Variants in TRIM7 observed in about 807,000 individuals in gnomAD.
The protein encoded by TRIM7 is E3 ubiquitin-protein ligase TRIM7.
In TRIM7, 32 loss-of-function variants were observed where a neutral mutation model predicts 37.9. That is an observed-to-expected ratio of 0.84 (90% CI 0.64 to 1.13). The LOEUF is 1.13. TRIM7 is among the 50% of genes most tolerant of loss of function. The pLI is 0.00. For synonymous variants in TRIM7, 351 were observed against 321.3 expected (o/e 1.09, Z -0.99); for missense variants, 732 against 714.0 (o/e 1.03, Z -0.29).
rs757940931 is a variant in TRIM7 at position 181,194,485 on chromosome 5, G to C, written c.*681C>G. 1 of 152,376 alleles carries C rather than the reference G, an allele frequency of 6.6e-6. No individual in the cohort carries two copies. The highest frequency in any genetic ancestry group is 2.4e-5 in the African/African-American group (1 of 41,456). 9.4% of individuals were successfully genotyped at this position (152,376 alleles called of 1,614,324 possible). A position where few individuals can be genotyped will look rare whatever the true frequency, so the allele number is the denominator to read the frequency against. ...AAGTGCGGGAGTCAGGGGTTTGTGA[G>C]AGCACGTGTTGGTTGTCGCATTGGT... On this transcript the variant is annotated 3_prime_UTR_variant, in exon 7 of 7. Transcript: ENST00000274773.
chr5:181,195,369 C>A lies in TRIM7; in HGVS notation c.1333G>T (p.Val445Leu). Residue 445 changes from valine (V) to leucine (L), a missense_variant, in exon 7 of 7, where the codon GTG becomes TTG. Transcript: ENST00000274773. ...AGGGGCGACCGCTCGGGGCTGGTCACGGCCCAGTACTGGCCGCCGTTGAGC... is the reference window on the plus strand; with the variant it reads ...AGGGGCGACCGCTCGGGGCTGGTCAAGGCCCAGTACTGGCCGCCGTTGAGC... ...LQLNGGQYWA[V>L]TSPERSPLSC... The A allele has an allele frequency of 6.3e-7, 1 of 1,578,596 alleles. No homozygotes were observed. The highest frequency in any genetic ancestry group is 8.6e-7 in the Non-Finnish European group (1 of 1,162,546).
At position 181,194,023 on chromosome 5, in the gene TRIM7, T is replaced by A. The variant is rs1004855599; in HGVS notation, c.*1143A>T. 3 of 152,412 alleles carry A rather than the reference T, an allele frequency of 2.0e-5. No homozygotes were observed. The East Asian group carries it at 5.8e-4, about 29-fold the overall frequency. 9.4% of individuals were successfully genotyped at this position (152,412 alleles called of 1,614,324 possible). A position where few individuals can be genotyped will look rare whatever the true frequency, so the allele number is the denominator to read the frequency against. ...ACTGCCACCCTTCCAGAAGCCCAGC[T>A]ACCCAGAAGCTGGAGAACAAGTAGA... is the stretch of plus-strand genomic sequence containing the variant. On this transcript the variant is annotated 3_prime_UTR_variant, in exon 7 of 7. Transcript: ENST00000274773.
In TRIM7 at chr5:181,200,436, T is replaced by C. The variant is rs907051104; in HGVS notation, c.619-355A>G. 41 of 1,266,296 alleles carry C rather than the reference T, an allele frequency of 3.2e-5. No individual in the cohort carries two copies. The Middle Eastern group carries it at 9.2e-4, about 28-fold the overall frequency. The allele number at this position is 1,266,296 out of a possible 1,614,324, so 78.4% of individuals were successfully genotyped here. On this transcript the variant is annotated intron_variant, in intron 2 of 6. Coordinates refer to ENST00000274773, the MANE Select transcript of TRIM7 (RefSeq NM_203293.3). ...AAATTAGTGCCTCCTGGGGCAACCA[T>C]AGGATTAAACTGAGATTGCTTTTTC...
In TRIM7 at chr5:181,195,026, G is replaced by A; in HGVS notation, c.*140C>T. 1 of 1,075,574 alleles carries A rather than the reference G, an allele frequency of 9.3e-7. No homozygotes were observed. Among genetic ancestry groups the A allele is most frequent in the East Asian group, 2.6e-5 (1 of 38,450 alleles). The allele number at this position is 1,075,574 out of a possible 1,614,324, so 66.6% of individuals were successfully genotyped here. The stretch of plus-strand genomic sequence containing the variant: ...GGCCACAGTCACTCTCCTGCCTCGG[G>A]GTTGTGTCTGTAGCAGGCTCTCTTG... On this transcript the variant is annotated 3_prime_UTR_variant, in exon 7 of 7. Transcript: ENST00000274773.
Position 181,204,997 on chromosome 5 carries a change from C to A in TRIM7, c.114G>T (p.Glu38Asp). The A allele has an allele frequency of 1.3e-6, 2 of 1,487,686 alleles. No individual in the cohort carries two copies. The highest frequency in any genetic ancestry group is 8.9e-7 in the Non-Finnish European group (1 of 1,127,322). The allele number at this position is 1,487,686 out of a possible 1,614,324, so 92.2% of individuals were successfully genotyped here. A position where few individuals can be genotyped will look rare whatever the true frequency, so the allele number is the denominator to read the frequency against. The change falls in exon 1 of 7, where the codon GAG becomes GAT. Residue 38 changes from glutamate (E) to aspartate (D), a missense_variant. Coordinates refer to ENST00000274773, the MANE Select transcript of TRIM7 (RefSeq NM_203293.3). ...TCSICLELFR[E>D]PVSVECGHSF... Reference sequence around the variant, plus strand: ...TGTGGCCGCACTCGACGGACACCGGCTCACGAAAGAGCTCTAGGCAGATGG... The same window carrying A: ...TGTGGCCGCACTCGACGGACACCGGATCACGAAAGAGCTCTAGGCAGATGG...
intron 4 of TRIM7, 38 bp from the exon 5 acceptor site, chr5:181,198,843 C>T (rs369139201): frequency 1.7e-4 from 248 of 1,501,240 alleles, no homozygotes; most frequent in Non-Finnish European, 2.0e-4. Flanking sequence ...CTGTGTGCAC[C>T]ATTTTGCTCC....
At chr5:181,199,010 G>T in intron 4 of TRIM7, 85 bp downstream of exon 4, 1 of 1,560,076 alleles carries the variant, frequency 6.4e-7, no homozygotes, top group Non-Finnish European at 8.8e-7. Context: ...GAGGTGAGAG[G>T]TCAGGGGACA....
chr5:181,200,034 T>C lies in TRIM7; in HGVS notation c.666A>G (p.Ala222=). 1 of 1,614,216 alleles carries C rather than the reference T, an allele frequency of 6.2e-7. No homozygotes were observed. Among genetic ancestry groups the C allele is most frequent in the Non-Finnish European group, 8.5e-7 (1 of 1,180,036 alleles). The change falls in exon 3 of 7, where the codon GCA becomes GCG. Residue 222 remains alanine (A), a synonymous_variant. Transcript: ENST00000274773. ...EQEKVGAEFQ[A]LRAFLVEQEG... ...CCTGCTCCACCAGGAAAGCCCTCAG[T>C]GCCTGGAACTCTGCCCCCACCTTCT...
In TRIM7 at chr5:181,204,598, C is replaced by T; in HGVS notation, c.513G>A (p.Gln171=). Residue 171 remains glutamine, a synonymous_variant, in exon 1 of 7, where the codon CAG becomes CAA. Coordinates refer to ENST00000274773, the MANE Select transcript of TRIM7 (RefSeq NM_203293.3). The part of the protein sequence containing the change: ...HAVLPLDEAV[Q]EAKELLESRL... ...TGGGGGCTGCGCTCACCTTGGCCTC[C>T]TGCACCGCCTCGTCCAGCGGCAGCA... 6.9e-7 allele frequency: 1 copy of T among 1,439,638 alleles called. No individual in the cohort carries two copies. Among genetic ancestry groups the T allele is most frequent in the Non-Finnish European group, 9.0e-7 (1 of 1,106,400 alleles). The allele number at this position is 1,439,638 out of a possible 1,614,324, so 89.2% of individuals were successfully genotyped here. A position where few individuals can be genotyped will look rare whatever the true frequency, so the allele number is the denominator to read the frequency against.
At chr5:181,196,543 A>G (rs1757135261) in intron 6 of TRIM7, 1 of 152,016 alleles carries the variant, frequency 6.6e-6, no homozygotes. Flanking sequence ...CTTGTTTTGT[A>G]TTTTCTCTAC....
Position 181,195,330 on chromosome 5 carries a change from G to A in TRIM7, c.1372C>T (p.Leu458=). 6.3e-7 allele frequency: 1 copy of A among 1,590,192 alleles called. No homozygotes were observed. Among genetic ancestry groups the A allele is most frequent in the East Asian group, 2.3e-5 (1 of 43,326 alleles). ...PERSPLSCGH[L]SRVRVALDLE... is the part of the protein sequence containing the mutation. ...TCCAGGGCCACCCGCACGCGCGACA[G>A]GTGCCCGCAGCTGAGGGGCGACCGC... The change falls in exon 7 of 7, where the codon CTG becomes TTG. Residue 458 remains leucine (L), a synonymous_variant. Coordinates refer to ENST00000274773, the MANE Select transcript of TRIM7 (RefSeq NM_203293.3).
intron 3 of TRIM7, chr5:181,199,612 CTT>C (rs1222704364): frequency 6.5e-6 from 4 of 617,208 alleles, no homozygotes; most frequent in Non-Finnish European, 1.1e-5. Flanking sequence ...TTTTCTGAGA[CTT>C]TTGTCTCAAG....
intron 1 of TRIM7, 151 bp from the exon 2 acceptor site, chr5:181,203,791 A>C: frequency 7.1e-7 from 1 of 1,403,886 alleles, no homozygotes; most frequent in Non-Finnish European, 9.2e-7. Flanking sequence ...TACAGGTTAC[A>C]CTGCGAGGTG....
In TRIM7 at chr5:181,199,387, C is replaced by T. The variant is rs1757336273; in HGVS notation, c.850-270G>A. 4.0e-5 allele frequency: 22 copies of T among 556,234 alleles called. 1 individual carries two copies. In the South Asian group the frequency reaches 4.2e-4, roughly 11 times the overall value. The allele number at this position is 556,234 out of a possible 1,614,324, so 34.5% of individuals were successfully genotyped here. A position where few individuals can be genotyped will look rare whatever the true frequency, so the allele number is the denominator to read the frequency against. On this transcript the variant is annotated intron_variant, in intron 3 of 6. Transcript: ENST00000274773. ...TGCTTTCTTAGTTACAGAATCATCACTGGAGCTATCCCATGGGACCCAGTG... is the reference window on the plus strand; with the variant it reads ...TGCTTTCTTAGTTACAGAATCATCATTGGAGCTATCCCATGGGACCCAGTG...
At chr5:181,204,070 C>T (rs959077781) in intron 1 of TRIM7, 25 of 1,000,042 alleles carry the variant, frequency 2.5e-5, no homozygotes, top group African/African-American at 6.9e-5. Context: ...CCCCCAGAAT[C>T]GACAGCGTTG....
At position 181,204,984 on chromosome 5, in the gene TRIM7, C is replaced by A. The variant is rs1394685689; in HGVS notation, c.127G>T (p.Glu43Ter). ...LELFREPVSV[E>*]CGHSFCRACI... ...GCGCGGCAGAAGCTGTGGCCGCACTCGACGGACACCGGCTCACGAAAGAGC... is the reference window on the plus strand; with the variant it reads ...GCGCGGCAGAAGCTGTGGCCGCACTAGACGGACACCGGCTCACGAAAGAGC... The change falls in exon 1 of 7, where the codon GAG (glutamate) becomes TAG (stop). Residue 43 changes from glutamate to a stop codon, truncating the protein, a stop_gained. Coordinates refer to ENST00000274773, the MANE Select transcript of TRIM7 (RefSeq NM_203293.3). LOFTEE classifies it high-confidence loss of function. The A allele has an allele frequency of 6.7e-7, 1 of 1,486,054 alleles. No individual in the cohort carries two copies. The highest frequency in any genetic ancestry group is 2.9e-5 in the East Asian group (1 of 34,488). 92.1% of individuals were successfully genotyped at this position (1,486,054 alleles called of 1,614,324 possible).
At position 181,195,495 on chromosome 5, in the gene TRIM7, C is replaced by T. The variant is rs1757046560; in HGVS notation, c.1207G>A (p.Val403Met). ...SSGRHHWEVE[V>M]GSKDGWAFGV... ...AAGGCCCAGCCGTCCTTAGAGCCCA[C>T]CTCCACCTCCCAGTGATGCCGGCCC... The change falls in exon 7 of 7, where the codon GTG becomes ATG. Residue 403 changes from valine to methionine, a missense_variant. Coordinates refer to ENST00000274773, the MANE Select transcript of TRIM7 (RefSeq NM_203293.3). 1.2e-6 allele frequency: 2 copies of T among 1,612,698 alleles called. No homozygotes were observed. The highest frequency in any genetic ancestry group is 1.7e-6 in the Non-Finnish European group (2 of 1,179,776).
chr5:181,195,622 AT>A lies in TRIM7; in HGVS notation c.1079del (p.Asp360ValfsTer64). The A allele has an allele frequency of 6.4e-7, 1 of 1,559,288 alleles. No homozygotes were observed. The highest frequency in any genetic ancestry group is 1.2e-5 in the South Asian group (1 of 83,980). ...TANPRLILSL[D>X]LKGVRLGERA... ...GCTCGCCGAGGCGCACGCCCTTAAG[AT>A]CCAGAGAGAGGATGAGGCGCGGGTT... On this transcript the variant is annotated frameshift_variant, in exon 7 of 7. Coordinates refer to ENST00000274773, the MANE Select transcript of TRIM7 (RefSeq NM_203293.3). LOFTEE classifies it low-confidence loss of function (END_TRUNC).
At chr5:181,201,782 G>A (rs961775418) in intron 2 of TRIM7, among the ~76,000 whole-genome samples, 2 of 152,192 alleles carry the variant, frequency 1.3e-5, no homozygotes, top group African/African-American at 4.8e-5. Flanking sequence ...ATGGATGGAT[G>A]TTGGGAGAGG....
Sources: gnomAD v4.1 joint callset for allele counts (sites outside exome capture counted in the v4.1 genomes callset) on GRCh38, gnomAD v4.1.1 for gene constraint, MANE v1.5 for transcripts, NCBI Gene and HGNC (gene_info 2026-07-23, HGNC 2026-07-21) for gene names.